CNNM1: variants seen among roughly 807,000 people sequenced by gnomAD.
CNNM1 encodes cyclin and CBS domain divalent metal cation transport mediator 1, also known as metal transporter CNNM1.
Under a neutral mutation model 78.8 loss-of-function variants are expected in CNNM1, and 44 were observed. The ratio of observed to expected loss-of-function variants is 0.56; its 90% CI spans 0.44 to 0.72. CNNM1 has a LOEUF of 0.72. CNNM1 is among the 30% of genes least tolerant of loss of function. CNNM1 has a pLI of 0.00. For missense variants in CNNM1, 1,101 were observed against 1,292.2 expected, an observed-to-expected ratio of 0.85 and a Z score of 2.27; for synonymous variants, 584 against 581.5, an observed-to-expected ratio of 1.00 and a Z score of -0.06.
chr10:99,375,604 A>G (rs2031938854), intron 6 of CNNM1, among the ~76,000 whole-genome samples: 1 of 152,216 alleles, frequency 6.6e-6, no homozygotes, highest in African/African-American at 2.4e-5. Flanking sequence ...TTTCTGCTAC[A>G]TGGTTTGCCA....
At chr10:99,379,975 T>C (rs901196000) in intron 7 of CNNM1, among the ~76,000 whole-genome samples, 1 of 151,844 alleles carries the variant, frequency 6.6e-6, no homozygotes, top group Non-Finnish European at 1.5e-5. Context: ...TTACCTCTCA[T>C]TGTATTCTCA....
chr10:99,349,739 G>A (rs997148629), intron 1 of CNNM1, among the ~76,000 whole-genome samples: 19 of 152,142 alleles, frequency 1.2e-4, no homozygotes, highest in Non-Finnish European at 2.5e-4. Flanking sequence ...AGTGGCTCAC[G>A]CCCGTAATCC....
chr10:99,354,833 G>A (rs1350156952), intron 1 of CNNM1, among the ~76,000 whole-genome samples: 2 of 152,086 alleles, frequency 1.3e-5, no homozygotes, highest in Non-Finnish European at 2.9e-5. Flanking sequence ...GCCACATTGT[G>A]GAATCTTGAT....
At chr10:99,338,840 TA>T (rs1241962482) in intron 1 of CNNM1, among the ~76,000 whole-genome samples, 1 of 152,218 alleles carries the variant, frequency 6.6e-6, no homozygotes, top group African/African-American at 2.4e-5. Context: ...TGTCCCATTC[TA>T]ATCTTAAGAG....
chr10:99,353,648 G>A (rs955872271), intron 1 of CNNM1, among the ~76,000 whole-genome samples: 9 of 152,164 alleles, frequency 5.9e-5, no homozygotes, highest in African/African-American at 2.2e-4. Context: ...GGAAACAGCT[G>A]GTTTTCTTGT....
chr10:99,330,245 A>G lies in CNNM1; in HGVS notation c.858A>G (p.Leu286=). 1 of 1,542,546 alleles carries G rather than the reference A, an allele frequency of 6.5e-7. No individual in the cohort carries two copies. The highest frequency in any genetic ancestry group is 1.2e-5 in the South Asian group (1 of 80,698). ...GGGGGACCCATCTGCTCTGCACCCT[A>G]CTCCTGGGCCAAGCCGGAGCCAACG... ...RGRGTHLLCT[L]LLGQAGANAA... Residue 286 remains leucine (L), a synonymous_variant, in exon 1 of 11, where the codon CTA becomes CTG. Transcript: ENST00000356713.
chr10:99,388,188 T>C lies in CNNM1; in HGVS notation c.2561T>C (p.Val854Ala), dbSNP rs757359407. 1.4e-4 allele frequency: 221 copies of C among 1,613,724 alleles called. 1 individual carries two copies. Among genetic ancestry groups the C allele is most frequent in the Non-Finnish European group, 1.9e-4 (219 of 1,179,862 alleles). The change falls in exon 9 of 11, where the codon GTA becomes GCA. Residue 854 changes from valine to alanine, a missense_variant. Val to Ala is a moderately conservative substitution (Grantham distance 64, BLOSUM62 0). Coordinates refer to ENST00000356713, the MANE Select transcript of CNNM1 (RefSeq NM_020348.3). The stretch of plus-strand genomic sequence containing the variant: ...GACGGGCTGAGAAGCCCCAGCGAGG[T>C]AGTGTACCTGAGGATGGAGGAGCTG... The part of the protein sequence containing the change: ...RSDGLRSPSE[V>A]VYLRMEELAF...
Position 99,391,482 on chromosome 10 carries a change from A to G in CNNM1, c.2822A>G (p.Glu941Gly). The G allele has an allele frequency of 6.2e-7, 1 of 1,613,994 alleles. No homozygotes were observed. The highest frequency in any genetic ancestry group is 8.5e-7 in the Non-Finnish European group (1 of 1,179,870). The change falls in exon 11 of 11, where the codon GAG becomes GGG. Residue 941 changes from glutamate (E) to glycine (G), a missense_variant. By Grantham distance (98) the Glu-to-Gly change is moderately conservative. Transcript: ENST00000356713. ...KRSPEGERTS[E>G]DNSNLTPLIT Reference sequence around the variant, plus strand: ...TCACCAGAAGGAGAGAGAACCTCTGAGGACAACTCCAATTTAACACCTCTG... The same window carrying G: ...TCACCAGAAGGAGAGAGAACCTCTGGGGACAACTCCAATTTAACACCTCTG...
At chr10:99,388,083 G>A in intron 8 of CNNM1, 69 bp from the exon 9 acceptor site, 1 of 1,598,998 alleles carries the variant, frequency 6.3e-7, no homozygotes, top group Non-Finnish European at 8.5e-7. Flanking sequence ...GCCCTTCCCA[G>A]GGCTCACACC....
At chr10:99,354,183 T>C (rs546131548) in intron 1 of CNNM1, among the ~76,000 whole-genome samples, 3 of 152,170 alleles carry the variant, frequency 2.0e-5, no homozygotes, top group Non-Finnish European at 1.5e-5. Flanking sequence ...TGAGAATAGG[T>C]GCCATAAGTT....
chr10:99,385,470 C>A (rs1230970292), intron 7 of CNNM1, among the ~76,000 whole-genome samples: 1 of 152,212 alleles, frequency 6.6e-6, no homozygotes, highest in Non-Finnish European at 1.5e-5. Context: ...AGAGAGGACA[C>A]TGCTCCTTCC....
chr10:99,378,485 C>T (rs369956220), intron 7 of CNNM1, among the ~76,000 whole-genome samples: 28 of 152,108 alleles, frequency 1.8e-4, no homozygotes, highest in Non-Finnish European at 3.2e-4. Flanking sequence ...GTGTGCTGGC[C>T]GGTTTTCTGT....
In CNNM1 at chr10:99,392,636, A is replaced by G. The variant is rs140061851; in HGVS notation, c.*1120A>G. The stretch of plus-strand genomic sequence containing the variant: ...AGTTGGGGCAGGTGCAATTCCAAGC[A>G]TAACCACCAGATGGCAGAGTGACCG... On this transcript the variant is annotated 3_prime_UTR_variant, in exon 11 of 11. Transcript: ENST00000356713. 1.2e-3 allele frequency: 188 copies of G among 152,404 alleles called. No homozygotes were observed. Among genetic ancestry groups the G allele is most frequent in the Middle Eastern group, 0.01 (3 of 294 alleles). The allele number at this position is 152,404 out of a possible 1,614,324, so 9.4% of individuals were successfully genotyped here.
At chr10:99,372,588 A>G (rs2031837632) in intron 6 of CNNM1, among the ~76,000 whole-genome samples, 1 of 152,194 alleles carries the variant, frequency 6.6e-6, no homozygotes, top group Non-Finnish European at 1.5e-5. Flanking sequence ...CTCTTAGGAT[A>G]TGCCAAGGGG....
intron 7 of CNNM1, among the ~76,000 whole-genome samples, chr10:99,382,411 A>G (rs909409038): frequency 6.6e-6 from 1 of 152,196 alleles, no homozygotes; most frequent in Admixed American, 6.5e-5. Flanking sequence ...ATCACCCTAG[A>G]TTGCAGCATT....
At chr10:99,347,677 A>G (rs950807804) in intron 1 of CNNM1, among the ~76,000 whole-genome samples, 3 of 151,198 alleles carry the variant, frequency 2.0e-5, no homozygotes, top group Non-Finnish European at 4.4e-5. Flanking sequence ...GCTCTATCAC[A>G]TTGGCACCTC....
rs141951948 is a variant in CNNM1 at position 99,388,285 on chromosome 10, C to G, written c.2658C>G (p.Ala886=). 6.2e-7 allele frequency: 1 copy of G among 1,613,644 alleles called. No homozygotes were observed. The highest frequency in any genetic ancestry group is 2.2e-5 in the East Asian group (1 of 44,882). ...AGCAGCTCACGCTGTCTCCTGCAGCCGTTCCCACGAGAGCAGGTCAGGGAG... is the reference window on the plus strand; with the variant it reads ...AGCAGCTCACGCTGTCTCCTGCAGCGGTTCCCACGAGAGCAGGTCAGGGAG... ...STQQLTLSPA[A]VPTRAASDSE... is the part of the protein sequence containing the mutation. Residue 886 remains alanine, a synonymous_variant, in exon 9 of 11, where the codon GCC becomes GCG. Coordinates refer to ENST00000356713, the MANE Select transcript of CNNM1 (RefSeq NM_020348.3).
At chr10:99,362,913 T>A (rs534049101) in intron 4 of CNNM1, among the ~76,000 whole-genome samples, 1 of 152,288 alleles carries the variant, frequency 6.6e-6, no homozygotes, top group South Asian at 2.1e-4. Flanking sequence ...GTTCCTGAAA[T>A]CTTCTCCCCC....
chr10:99,337,166 A>G (rs1251940620), intron 1 of CNNM1, among the ~76,000 whole-genome samples: 1 of 152,232 alleles, frequency 6.6e-6, no homozygotes, highest in South Asian at 2.1e-4. Context: ...ACACAAGTCT[A>G]TTACTCATTT....
Sources: allele counts gnomAD v4.1 joint callset (sites outside exome capture counted in the v4.1 genomes callset), GRCh38; gene constraint gnomAD v4.1.1; transcripts MANE v1.5; gene names NCBI Gene and HGNC (gene_info 2026-07-23, HGNC 2026-07-21).